Variants in SYN3 observed in about 807,000 individuals in gnomAD.
SYN3 encodes synapsin-3.
In SYN3, 35 loss-of-function variants were observed where a neutral mutation model predicts 65.8. The ratio of observed to expected loss-of-function variants is 0.53; its 90% CI spans 0.41 to 0.70. The LOEUF (loss-of-function observed/expected upper bound fraction) is 0.70, where lower values mean the gene tolerates loss of function less well. Ranked by LOEUF, SYN3 falls within the 30% of genes least tolerant of loss-of-function variation. The pLI, the probability that SYN3 is intolerant of heterozygous loss-of-function variation, is 0.00. For synonymous variants in SYN3, 270 were observed against 292.9 expected (o/e 0.92, Z 0.80); for missense variants, 680 against 749.0 (o/e 0.91, Z 1.08).
At chr22:32,687,390 C>T (rs1390973240) in intron 6 of SYN3, among the ~76,000 whole-genome samples, 3 of 151,536 alleles carry the variant, frequency 2.0e-5, no homozygotes, top group African/African-American at 7.3e-5. Context: ...TCTTGAACTC[C>T]TGACCTCAAG....
intron 1 of SYN3, among the ~76,000 whole-genome samples, chr22:33,018,898 A>G (rs1489858323): frequency 2.6e-5 from 4 of 152,082 alleles, no homozygotes; most frequent in East Asian, 3.9e-4. Context: ...CAGCCACTCA[A>G]TCTCCAAGTC....
At chr22:32,747,970 C>A (rs909462261) in intron 6 of SYN3, among the ~76,000 whole-genome samples, 4 of 152,210 alleles carry the variant, frequency 2.6e-5, no homozygotes, top group Non-Finnish European at 5.9e-5. Flanking sequence ...TTGCTCTTGG[C>A]AGCCTGAGCT....
chr22:32,599,686 C>T (rs1429878736), intron 6 of SYN3, among the ~76,000 whole-genome samples: 1 of 152,180 alleles, frequency 6.6e-6, no homozygotes, highest in East Asian at 1.9e-4. Flanking sequence ...TTCTGGGAAT[C>T]ATATGCATAT....
chr22:32,677,615 G>A (rs987849023), intron 6 of SYN3, among the ~76,000 whole-genome samples: 1 of 152,062 alleles, frequency 6.6e-6, no homozygotes. Context: ...TGGCTAACAC[G>A]GTGAAACTCC....
At position 32,793,233 on chromosome 22, in the gene SYN3, C is replaced by G. The variant is rs190242607; in HGVS notation, c.711+71682G>C. ...ATGGGCCCAGCCTGAATTAGAGCAGCCTGGAGTGACGGGAAGATGATGAGG... is the reference window on the plus strand; with the variant it reads ...ATGGGCCCAGCCTGAATTAGAGCAGGCTGGAGTGACGGGAAGATGATGAGG... On this transcript the variant is annotated intron_variant, in intron 6 of 13. Coordinates refer to ENST00000358763, the MANE Select transcript of SYN3 (RefSeq NM_003490.4). Among the ~76,000 whole-genome samples, 4 of 152,272 alleles carry G rather than the reference C, an allele frequency of 2.6e-5. No individual in the cohort carries two copies. The South Asian group carries it at 6.2e-4, about 24-fold the overall frequency.
chr22:32,607,466 C>T (rs1487452907), intron 6 of SYN3, among the ~76,000 whole-genome samples: 1 of 152,120 alleles, frequency 6.6e-6, no homozygotes, highest in East Asian at 1.9e-4. Flanking sequence ...ATCCTTATAC[C>T]TGTCCTGACC....
At chr22:32,840,185 G>C (rs1223311652) in intron 6 of SYN3, among the ~76,000 whole-genome samples, 1 of 152,218 alleles carries the variant, frequency 6.6e-6, no homozygotes, top group African/African-American at 2.4e-5. Flanking sequence ...GATTTTCTGA[G>C]TGTGTGTCTT....
At chr22:32,957,026 C>G (rs1370185739) in intron 3 of SYN3, among the ~76,000 whole-genome samples, 1 of 152,132 alleles carries the variant, frequency 6.6e-6, no homozygotes, top group Non-Finnish European at 1.5e-5. Context: ...GGGTCAGGAA[C>G]AAGGTCAGGG....
intron 2 of SYN3, among the ~76,000 whole-genome samples, chr22:32,997,806 C>G (rs2052926022): frequency 1.3e-5 from 2 of 152,062 alleles, no homozygotes; most frequent in African/African-American, 4.8e-5. Flanking sequence ...GCGGGCAGAT[C>G]ACGAGGTCAG....
intron 6 of SYN3, among the ~76,000 whole-genome samples, chr22:32,739,463 C>A (rs1158656761): frequency 6.6e-6 from 1 of 151,922 alleles, no homozygotes; most frequent in East Asian, 1.9e-4. Context: ...CCTTCAAAGT[C>A]CCCAGCAGTG....
chr22:33,008,692 T>G (rs1320960860), intron 1 of SYN3, among the ~76,000 whole-genome samples: 5 of 152,046 alleles, frequency 3.3e-5, no homozygotes, highest in Non-Finnish European at 1.5e-5. Flanking sequence ...GGTGGGCAGA[T>G]CACTTGAAGC....
In SYN3 at chr22:32,801,922, C is replaced by T; in HGVS notation, c.711+62993G>A. On this transcript the variant is annotated intron_variant, in intron 6 of 13. Transcript: ENST00000358763. The surrounding 1 kb of genome is among the most constrained non-coding windows in gnomAD (Gnocchi z 4.7). ...GGCCCGGCGGGCGAGCGAGCTCGGG[C>T]TGCAGCAGCCCCGCCGGCGGCGCGC... is the stretch of plus-strand genomic sequence containing the variant. The T allele has an allele frequency of 3.4e-6, 5 of 1,491,418 alleles. No homozygotes were observed. The highest frequency in any genetic ancestry group is 1.3e-5 in the South Asian group (1 of 79,292). The allele number at this position is 1,491,418 out of a possible 1,614,324, so 92.4% of individuals were successfully genotyped here.
chr22:32,910,693 T>C (rs755306744), intron 4 of SYN3, among the ~76,000 whole-genome samples: 26 of 148,774 alleles, frequency 1.7e-4, no homozygotes, highest in Non-Finnish European at 2.2e-4. Flanking sequence ...ATCACAATTA[T>C]GTTTGCACCA....
At chr22:32,664,583 G>T (rs2060262339) in intron 6 of SYN3, among the ~76,000 whole-genome samples, 4 of 90,996 alleles carry the variant, frequency 4.4e-5, no homozygotes, top group Non-Finnish European at 8.1e-5. Flanking sequence ...TCAATTGGTC[G>T]CTTTTTTTTT....
intron 6 of SYN3, among the ~76,000 whole-genome samples, chr22:32,846,494 G>C (rs928968536): frequency 6.6e-6 from 1 of 152,192 alleles, no homozygotes; most frequent in Non-Finnish European, 1.5e-5. Context: ...AAACACATGA[G>C]GTTTGGGATG....
At chr22:32,674,230 T>C (rs1479992343) in intron 6 of SYN3, among the ~76,000 whole-genome samples, 1 of 152,136 alleles carries the variant, frequency 6.6e-6, no homozygotes, top group Non-Finnish European at 1.5e-5. Context: ...CCTTCCAGCT[T>C]TGGGGAAGCC....
intron 6 of SYN3, among the ~76,000 whole-genome samples, chr22:32,626,999 C>T (rs2059675613): frequency 6.6e-6 from 1 of 152,110 alleles, no homozygotes; most frequent in Admixed American, 6.5e-5. Flanking sequence ...GAGGAAGCCC[C>T]CAGATGATGC....
chr22:32,738,339 A>C (rs933878490), intron 6 of SYN3, among the ~76,000 whole-genome samples: 1 of 152,236 alleles, frequency 6.6e-6, no homozygotes, highest in African/African-American at 2.4e-5. Context: ...GAGTGTGAAC[A>C]CGATGTCACT....
In SYN3 at chr22:32,615,448, A is replaced by AAAAAAAAG. The variant is rs1458941523; in HGVS notation, c.712-18713_712-18712insCTTTTTTT. Among the ~76,000 whole-genome samples, 251 of 149,464 alleles carry AAAAAAAAG rather than the reference A, an allele frequency of 1.7e-3. 4 individuals are homozygous for AAAAAAAAG. Among genetic ancestry groups the AAAAAAAAG allele is most frequent in the African/African-American group, 5.8e-3 (230 of 39,686 alleles). ...GACTTCATCTAAAAAAAAAAAAAAA[A>AAAAAAAAG]AAAGAAAAAAAGAAAGAAAACTACA... is the stretch of plus-strand genomic sequence containing the variant. On this transcript the variant is annotated intron_variant, in intron 6 of 13. Transcript: ENST00000358763.
Sources: allele counts gnomAD v4.1 joint callset (sites outside exome capture counted in the v4.1 genomes callset), GRCh38; gene constraint gnomAD v4.1.1; non-coding constraint Gnocchi (gnomAD v3.1); transcripts MANE v1.5; gene names NCBI Gene and HGNC (gene_info 2026-07-23, HGNC 2026-07-21).